Variants in LDHC observed in about 807,000 individuals in gnomAD.
The protein encoded by LDHC is lactate dehydrogenase C, also known as L-lactate dehydrogenase C chain.
In LDHC, 20 loss-of-function variants were observed where a neutral mutation model predicts 30.2. The ratio of observed to expected loss-of-function variants is 0.66; its 90% CI spans 0.47 to 0.96. LDHC has a LOEUF of 0.96. Among genes scored for constraint, LDHC ranks in the 40% least tolerant of loss-of-function variants. LDHC has a pLI of 0.00. For synonymous variants in LDHC, 139 were observed against 132.7 expected, an observed-to-expected ratio of 1.05 and a Z score of -0.32; for missense variants, 362 against 394.9, an observed-to-expected ratio of 0.92 and a Z score of 0.71.
At chr11:18,416,018 A>AT (rs1303504872) in intron 3 of LDHC, among the ~76,000 whole-genome samples, 1 of 152,166 alleles carries the variant, frequency 6.6e-6, no homozygotes, top group Non-Finnish European at 1.5e-5. Context: ...TAAAAAGTTA[A>AT]TTTTTTTAAA....
intron 3 of LDHC, 86 bp downstream of exon 3, chr11:18,415,387 T>A: frequency 1.4e-6 from 1 of 712,268 alleles, no homozygotes; most frequent in Non-Finnish European, 2.4e-6. Flanking sequence ...AATATAAAAT[T>A]AAAAATAGCA....
At chr11:18,444,573 C>T (rs1215210872) in intron 6 of LDHC, among the ~76,000 whole-genome samples, 1 of 140,398 alleles carries the variant, frequency 7.1e-6, no homozygotes, top group Non-Finnish European at 1.5e-5. Flanking sequence ...ACTGTAGGAA[C>T]AGTCCAGGCC....
At chr11:18,418,424 C>CTATTT (rs200315628) in intron 3 of LDHC, among the ~76,000 whole-genome samples, 2,477 of 150,240 alleles carry the variant, frequency 0.016, 81 homozygotes, top group African/African-American at 0.058. Context: ...AAGAGTATTA[C>CTATTT]TATTTTATTT....
At chr11:18,426,526 C>CAAAA (rs33993685) in intron 3 of LDHC, among the ~76,000 whole-genome samples, 7 of 111,484 alleles carry the variant, frequency 6.3e-5, no homozygotes, top group African/African-American at 2.1e-4. Flanking sequence ...GACTCCGTCT[C>CAAAA]AAAAAAAAAA....
At chr11:18,417,623 C>T (rs1867047052) in intron 3 of LDHC, among the ~76,000 whole-genome samples, 1 of 152,174 alleles carries the variant, frequency 6.6e-6, no homozygotes, top group Admixed American at 6.5e-5. Flanking sequence ...TGGTCTCAAA[C>T]TCCTAGGCTC....
At chr11:18,418,522 C>T (rs1388132479) in intron 3 of LDHC, among the ~76,000 whole-genome samples, 1 of 151,756 alleles carries the variant, frequency 6.6e-6, no homozygotes, top group Non-Finnish European at 1.5e-5. Context: ...CTCCACCTCC[C>T]AGGTTCAAGA....
chr11:18,446,186 T>C (rs1848550545), intron 6 of LDHC, 24 bp from the exon 7 acceptor site: 4 of 1,583,736 alleles, frequency 2.5e-6, no homozygotes, highest in South Asian at 1.1e-5. Context: ...ATGAATTTGA[T>C]TTTCTTACTT....
At chr11:18,449,428 TAAAAAAAAA>T (rs557136321) in intron 7 of LDHC, among the ~76,000 whole-genome samples, 732 of 48,428 alleles carry the variant, frequency 0.015, 13 homozygotes, top group African/African-American at 0.058. Flanking sequence ...CACTGTCTCC[TAAAAAAAAA>T]AAAAAAAAAA....
Position 18,435,327 on chromosome 11 carries a change from T to C in LDHC, c.592+414T>C, listed in dbSNP as rs140123843. 9.7e-3 allele frequency among the ~76,000 whole-genome samples: 1,482 copies of C among 152,242 alleles called. 27 individuals carry two copies. Among genetic ancestry groups the C allele is most frequent in the African/African-American group, 0.034 (1,407 of 41,548 alleles). ...GTTGGATCATGGAGGCAGGTTGTCA[T>C]GGTTTAACACCATCTGCCTTAGTAC... On this transcript the variant is annotated intron_variant, in intron 5 of 7. Transcript: ENST00000541669.
chr11:18,424,070 G>A (rs2134052920), intron 3 of LDHC, among the ~76,000 whole-genome samples: 1 of 152,012 alleles, frequency 6.6e-6, no homozygotes, highest in African/African-American at 2.4e-5. Flanking sequence ...CAGCATATAG[G>A]AGTGTAGTAA....
At chr11:18,432,979 G>A (rs1489610503) in intron 4 of LDHC, among the ~76,000 whole-genome samples, 1 of 152,186 alleles carries the variant, frequency 6.6e-6, no homozygotes, top group Non-Finnish European at 1.5e-5. Flanking sequence ...GCAAGGTACT[G>A]TTGTATTCAT....
intron 6 of LDHC, among the ~76,000 whole-genome samples, chr11:18,443,755 C>T (rs1022018002): frequency 1.3e-5 from 2 of 152,122 alleles, no homozygotes; most frequent in African/African-American, 2.4e-5. Context: ...CCACTGTACT[C>T]GGGCAGTTCC....
intron 1 of LDHC, 39 bp downstream of exon 1, chr11:18,412,447 G>A: frequency 2.7e-6 from 1 of 365,850 alleles, no homozygotes; most frequent in Non-Finnish European, 5.2e-6. Context: ...TACTGATTGC[G>A]CCAAGCAAAG....
At chr11:18,438,496 G>C in intron 5 of LDHC, 32 bp from the exon 6 acceptor site, 1 of 1,367,048 alleles carries the variant, frequency 7.3e-7, no homozygotes, top group Non-Finnish European at 1.0e-6. Context: ...ATATTGGGAA[G>C]AAGAGTTTAT....
intron 4 of LDHC, among the ~76,000 whole-genome samples, chr11:18,432,847 T>C (rs1848292234): frequency 6.6e-6 from 1 of 152,216 alleles, no homozygotes; most frequent in South Asian, 2.1e-4. Flanking sequence ...TGAGTCCTTG[T>C]ATGTTAGGTG....
intron 6 of LDHC, among the ~76,000 whole-genome samples, chr11:18,444,178 T>C (rs1848511140): frequency 6.6e-6 from 1 of 152,204 alleles, no homozygotes; most frequent in African/African-American, 2.4e-5. Context: ...TTCTATTTGC[T>C]CCCTTTACCC....
At chr11:18,429,176 G>C (rs1488211797) in intron 3 of LDHC, among the ~76,000 whole-genome samples, 2 of 138,266 alleles carry the variant, frequency 1.4e-5, no homozygotes, top group African/African-American at 5.5e-5. Flanking sequence ...GCAGTGGCGC[G>C]ATCTTTGCTC....
chr11:18,442,944 T>G (rs1039866424), intron 6 of LDHC, among the ~76,000 whole-genome samples: 5 of 152,180 alleles, frequency 3.3e-5, no homozygotes, highest in Non-Finnish European at 2.9e-5. Context: ...GCAGTTTTTA[T>G]ATTTCTAAAG....
chr11:18,420,711 T>C (rs1228407366), intron 3 of LDHC, among the ~76,000 whole-genome samples: 1 of 147,110 alleles, frequency 6.8e-6, no homozygotes, highest in Non-Finnish European at 1.5e-5. Context: ...AGACAATTAC[T>C]GTCAGGCCCT....
Sources: allele counts gnomAD v4.1 joint callset (sites outside exome capture counted in the v4.1 genomes callset), GRCh38; gene constraint gnomAD v4.1.1; transcripts MANE v1.5; gene names NCBI Gene and HGNC (gene_info 2026-07-23, HGNC 2026-07-21).